Variants in RFPL4AL1 observed in about 807,000 individuals in gnomAD.
RFPL4AL1 encodes the protein ret finger protein like 4A like 1, also known as ret finger protein-like 4A-like protein 1.
Under a neutral mutation model 8.2 loss-of-function variants are expected in RFPL4AL1, and 2 were observed. That is an observed-to-expected ratio of 0.24 (90% confidence interval 0.10 to 0.77). The LOEUF is 0.77. RFPL4AL1 is among the 30% of genes least tolerant of loss of function. The pLI, the probability that RFPL4AL1 is intolerant of heterozygous loss-of-function variation, is 0.72. For missense variants in RFPL4AL1, 57 were observed against 350.3 expected (o/e 0.16, Z 6.68); for synonymous variants, 25 against 131.8 (o/e 0.19, Z 5.55).
At position 55,771,092 on chromosome 19, in the gene RFPL4AL1, T is replaced by TTG. The variant is rs1555799541; in HGVS notation, c.-9-703_-9-702insGT. Among the ~76,000 whole-genome samples the TTG allele has an allele frequency of 2.0e-5, 3 of 148,976 alleles. No individual in the cohort carries two copies. In the East Asian group the frequency reaches 5.8e-4, roughly 29 times the overall value. On this transcript the variant is annotated intron_variant, in intron 1 of 2. Transcript: ENST00000341750. The stretch of plus-strand genomic sequence containing the variant: ...TCTTTTAGTTCTGTTTTTTGTTTTT[T>TTG]TTTTTTTTTTTTTCCGCTATGCAGA...
At chr19:55,769,426 A>G (rs1423554026) in intron 1 of RFPL4AL1, among the ~76,000 whole-genome samples, 2 of 151,932 alleles carry the variant, frequency 1.3e-5, no homozygotes, top group East Asian at 3.9e-4. Context: ...TTCTGAAATG[A>G]TGGACAGAGG....
intron 1 of RFPL4AL1, among the ~76,000 whole-genome samples, chr19:55,770,211 T>C (rs1382346837): frequency 6.6e-6 from 1 of 152,012 alleles, no homozygotes; most frequent in Non-Finnish European, 1.5e-5. Flanking sequence ...ACTTATCTTT[T>C]GTCTTTTTGA....
chr19:55,773,120 A>G lies in RFPL4AL1; in HGVS notation c.805A>G (p.Ile269Val). 6.5e-7 allele frequency: 1 copy of G among 1,544,258 alleles called. No individual in the cohort carries two copies. Among genetic ancestry groups the G allele is most frequent in the South Asian group, 1.2e-5 (1 of 83,636 alleles). Residue 269 changes from isoleucine (I) to valine (V), a missense_variant, in exon 3 of 3, where the codon ATC (isoleucine) becomes GTC (valine). Transcript: ENST00000341750. ...TCAAGATGATCAGAGCATCCTGAGT[A>G]TCTGTTCTGTGATCAATCCATCCAC... ...GSQDDQSILS[I>V]CSVINPSTAS...
At chr19:55,771,333 A>G (rs1292667518) in intron 1 of RFPL4AL1, among the ~76,000 whole-genome samples, 1 of 152,272 alleles carries the variant, frequency 6.6e-6, no homozygotes, top group African/African-American at 2.4e-5. Context: ...AACAAGCCTA[A>G]TGAATTTTAA....
At chr19:55,771,775 T>G in intron 1 of RFPL4AL1, 21 bp from the exon 2 acceptor site, 2 of 1,551,332 alleles carry the variant, frequency 1.3e-6, no homozygotes, top group Non-Finnish European at 1.7e-6. Context: ...TCTAATTCCG[T>G]GTTCATTTTT....
At chr19:55,769,606 A>G (rs1989451951) in intron 1 of RFPL4AL1, among the ~76,000 whole-genome samples, 1 of 151,862 alleles carries the variant, frequency 6.6e-6, no homozygotes, top group African/African-American at 2.4e-5. Context: ...GAAGGAAATG[A>G]AAAGCAACGT....
chr19:55,769,744 A>T (rs7258447), intron 1 of RFPL4AL1, among the ~76,000 whole-genome samples: 3 of 151,010 alleles, frequency 2.0e-5, no homozygotes, highest in Admixed American at 6.6e-5. Context: ...GCTGGAGTGC[A>T]GTGGCTATTT....
rs1989484908 is a variant in RFPL4AL1, at chr19:55,771,079, GTTTTTTGTTTTTTTTT to G, written c.-9-710_-9-695del. ...TGCTTGTTTGGTTTCTTTTAGTTCT[GTTTTTTGTTTTTTTTT>G]TTTTTTTTTTCCGCTATGCAGAAGA... is the stretch of plus-strand genomic sequence containing the variant. On this transcript the variant is annotated intron_variant, in intron 1 of 2. Transcript: ENST00000341750. Among the ~76,000 whole-genome samples the G allele has an allele frequency of 4.5e-5, 4 of 89,560 alleles. No individual in the cohort carries two copies. In the South Asian group the frequency reaches 1.3e-3, roughly 29 times the overall value. The allele number at this position is 89,560 out of a possible 152,430, so 58.8% of individuals were successfully genotyped here. A position where few individuals can be genotyped will look rare whatever the true frequency, so the allele number is the denominator to read the frequency against.
chr19:55,771,086 GTTT>G (rs74183507), intron 1 of RFPL4AL1, among the ~76,000 whole-genome samples: 48,300 of 128,894 alleles, frequency 0.37, 7,557 homozygotes, highest in Admixed American at 0.46. Flanking sequence ...TCTGTTTTTT[GTTT>G]TTTTTTTTTT....
intron 1 of RFPL4AL1, among the ~76,000 whole-genome samples, chr19:55,769,544 T>G (rs1313602532): frequency 2.0e-5 from 3 of 150,194 alleles, no homozygotes; most frequent in Non-Finnish European, 4.4e-5. Flanking sequence ...TCTTATTTTC[T>G]GATTTTTTTT....
chr19:55,772,301 C>A (rs184815290), intron 2 of RFPL4AL1, among the ~76,000 whole-genome samples: 1 of 131,220 alleles, frequency 7.6e-6, no homozygotes, highest in South Asian at 2.2e-4. Context: ...CTACTGTCTT[C>A]TTTCATGTAT....
chr19:55,769,980 G>C (rs552537484), intron 1 of RFPL4AL1, among the ~76,000 whole-genome samples: 7 of 152,066 alleles, frequency 4.6e-5, no homozygotes, highest in Non-Finnish European at 8.8e-5. Context: ...TTCCATGGCT[G>C]TTGTGAATAA....
intron 1 of RFPL4AL1, among the ~76,000 whole-genome samples, chr19:55,770,492 T>C (rs12462664): frequency 0.43 from 65,270 of 150,868 alleles, 13,607 homozygotes; most frequent in South Asian, 0.62. Flanking sequence ...TCTATTTTTG[T>C]CAGTCCTTCT....
At chr19:55,771,309 AT>A (rs1342349718) in intron 1 of RFPL4AL1, among the ~76,000 whole-genome samples, 1 of 152,170 alleles carries the variant, frequency 6.6e-6, no homozygotes. Context: ...TGGTAGTCAC[AT>A]AAAATAGAAC....
At chr19:55,769,330 G>A (rs551532861) in intron 1 of RFPL4AL1, among the ~76,000 whole-genome samples, 155 bp downstream of exon 1, 11 of 152,048 alleles carry the variant, frequency 7.2e-5, no homozygotes, top group Admixed American at 2.0e-4. Flanking sequence ...CCCTGGTAAC[G>A]GTTAGGCAAC....
In RFPL4AL1 at chr19:55,772,350, T is replaced by A. The variant is rs944864471; in HGVS notation, c.287-252T>A. Among the ~76,000 whole-genome samples, 16 of 130,172 alleles carry A rather than the reference T, an allele frequency of 1.2e-4. 3 individuals carry two copies. The highest frequency in any genetic ancestry group is 4.2e-4 in the African/African-American group (16 of 37,990). 85.4% of individuals were successfully genotyped at this position (130,172 alleles called of 152,430 possible). A position where few individuals can be genotyped will look rare whatever the true frequency, so the allele number is the denominator to read the frequency against. On this transcript the variant is annotated intron_variant, in intron 2 of 2. Coordinates refer to ENST00000341750, the MANE Select transcript of RFPL4AL1 (RefSeq NM_001277397.2). ...TGGAAAACTAATTTTCATCAAATTA[T>A]CCACTAACTTATTTCGAAAGGCATT...
intron 2 of RFPL4AL1, 58 bp downstream of exon 2, chr19:55,772,148 A>T (rs1989512378): frequency 1.4e-6 from 2 of 1,469,362 alleles, no homozygotes; most frequent in African/African-American, 1.4e-5. Context: ...AACGACTTTC[A>T]AACATTTCTT....
intron 1 of RFPL4AL1, 23 bp from the exon 2 acceptor site, chr19:55,771,773 C>T (rs1184374902): frequency 8.4e-6 from 13 of 1,551,300 alleles, no homozygotes; most frequent in East Asian, 2.4e-5. Flanking sequence ...ATTCTAATTC[C>T]GTGTTCATTT....
At chr19:55,771,086 G>GGTTTTTTTTTTTTT (rs1555799526) in intron 1 of RFPL4AL1, among the ~76,000 whole-genome samples, 2 of 130,380 alleles carry the variant, frequency 1.5e-5, no homozygotes, top group Non-Finnish European at 3.2e-5. Context: ...TCTGTTTTTT[G>GGTTTTTTTTTTTTT]TTTTTTTTTT....
Sources: allele counts gnomAD v4.1 joint callset (sites outside exome capture counted in the v4.1 genomes callset), GRCh38; gene constraint gnomAD v4.1.1; transcripts MANE v1.5; gene names NCBI Gene and HGNC (gene_info 2026-07-23, HGNC 2026-07-21).